Variants in TYW1 observed in about 807,000 individuals in gnomAD.
TYW1 encodes tRNA-yW synthesizing protein 1 homolog.
Under a neutral mutation model 96.2 loss-of-function variants are expected in TYW1, and 46 were observed. That is an observed-to-expected ratio of 0.48 (90% CI 0.38 to 0.61). The LOEUF (loss-of-function observed/expected upper bound fraction) is 0.61, where lower values mean the gene tolerates loss of function less well. TYW1 is among the 20% of genes least tolerant of loss of function. The pLI is 0.00. For missense variants in TYW1, 684 were observed against 909.6 expected (o/e 0.75, Z 3.19); for synonymous variants, 274 against 323.0 (o/e 0.85, Z 1.63).
rs1172437117 is a variant in TYW1, at chr7:67,233,953, G to T, written c.1978-4355G>T. On this transcript the variant is annotated intron_variant, in intron 15 of 15. Transcript: ENST00000359626. ...TCATAGGTTGAGGTCCTAACTCCCA[G>T]CGTGGCTATATTTGGAGATGGGGTT... 4.4e-5 allele frequency among the ~76,000 whole-genome samples: 6 copies of T among 135,384 alleles called. 2 individuals carry two copies. Among genetic ancestry groups the T allele is most frequent in the Non-Finnish European group, 9.5e-5 (6 of 63,002 alleles). The allele number at this position is 135,384 out of a possible 152,430, so 88.8% of individuals were successfully genotyped here. A position where few individuals can be genotyped will look rare whatever the true frequency, so the allele number is the denominator to read the frequency against.
intron 15 of TYW1, among the ~76,000 whole-genome samples, chr7:67,228,069 A>G (rs1801622943): frequency 1.3e-5 from 2 of 152,126 alleles, no homozygotes; most frequent in Non-Finnish European, 2.9e-5. Flanking sequence ...GCAATGTGGG[A>G]GTAGCTCTGT....
At chr7:67,188,961 T>A (rs1163269333) in intron 14 of TYW1, among the ~76,000 whole-genome samples, 1 of 152,256 alleles carries the variant, frequency 6.6e-6, no homozygotes, top group Non-Finnish European at 1.5e-5. Context: ...GTGTGTGCAT[T>A]CAGAGTACTG....
intron 15 of TYW1, among the ~76,000 whole-genome samples, chr7:67,219,384 GA>G (rs1164641125): frequency 6.6e-6 from 1 of 152,084 alleles, no homozygotes; most frequent in Non-Finnish European, 1.5e-5. Flanking sequence ...TTGGTATCAG[GA>G]TAATGCTGAC....
chr7:67,148,793 T>C lies in TYW1; in HGVS notation c.1698+31175T>C, dbSNP rs540484778. On this transcript the variant is annotated intron_variant, in intron 13 of 15. Coordinates refer to ENST00000359626, the MANE Select transcript of TYW1 (RefSeq NM_018264.4). Reference sequence around the variant, plus strand: ...TAATGGATTTTCACCTAGCAGAGAATTGGGGGAGGGGGCACTCCAAGAGCA... The same window carrying C: ...TAATGGATTTTCACCTAGCAGAGAACTGGGGGAGGGGGCACTCCAAGAGCA... Among the ~76,000 whole-genome samples the C allele has an allele frequency of 8.5e-5, 13 of 152,286 alleles. No individual in the cohort carries two copies. The East Asian group carries it at 1.4e-3, about 16-fold the overall frequency.
At chr7:67,134,491 A>G (rs1455099203) in intron 13 of TYW1, among the ~76,000 whole-genome samples, 2 of 151,936 alleles carry the variant, frequency 1.3e-5, no homozygotes, top group Non-Finnish European at 2.9e-5. Flanking sequence ...GCAGTGAGCC[A>G]AGATCACGCT....
At chr7:67,140,014 C>A (rs1798394239) in intron 13 of TYW1, among the ~76,000 whole-genome samples, 1 of 151,752 alleles carries the variant, frequency 6.6e-6, no homozygotes, top group East Asian at 1.9e-4. Context: ...GCTGGAGAAG[C>A]CTCGCAATCA....
At chr7:67,184,389 T>G (rs1271329444) in intron 14 of TYW1, among the ~76,000 whole-genome samples, 1 of 152,036 alleles carries the variant, frequency 6.6e-6, no homozygotes, top group Admixed American at 6.6e-5. Flanking sequence ...TGTGTGGGTT[T>G]GTTTGTATTT....
chr7:67,042,851 G>T (rs1318913573), intron 7 of TYW1, among the ~76,000 whole-genome samples: 2 of 151,946 alleles, frequency 1.3e-5, no homozygotes, highest in African/African-American at 4.8e-5. Context: ...ACAAAAGTTA[G>T]TGGGATGTGG....
Position 67,208,710 on chromosome 7 carries a change from C to A in TYW1, c.1977+13373C>A, listed in dbSNP as rs1056767940. Among the ~76,000 whole-genome samples the A allele has an allele frequency of 2.0e-3, 260 of 131,702 alleles. 1 individual carries two copies. The highest frequency in any genetic ancestry group is 6.9e-3 in the African/African-American group (239 of 34,688). The allele number at this position is 131,702 out of a possible 152,430, so 86.4% of individuals were successfully genotyped here. On this transcript the variant is annotated intron_variant, in intron 15 of 15. Coordinates refer to ENST00000359626, the MANE Select transcript of TYW1 (RefSeq NM_018264.4). ...GTCTCAAAAAAAAAAAAAAAAAAAA[C>A]CACAACATTCTAGAGGGATCCCAGA... is the stretch of plus-strand genomic sequence containing the variant.
At chr7:67,016,036 A>C (rs1045251097) in intron 5 of TYW1, among the ~76,000 whole-genome samples, 1 of 152,074 alleles carries the variant, frequency 6.6e-6, no homozygotes, top group East Asian at 2.0e-4. Context: ...ACATAATAAA[A>C]CATTAAATTT....
intron 7 of TYW1, 96 bp downstream of exon 7, chr7:67,025,118 G>T (rs2129246995): frequency 2.0e-6 from 3 of 1,525,056 alleles, no homozygotes; most frequent in East Asian, 2.3e-5. Context: ...GCTCACAGAG[G>T]AGTTTCATTT....
At chr7:67,202,747 CT>C (rs1467645728) in intron 15 of TYW1, among the ~76,000 whole-genome samples, 1 of 152,128 alleles carries the variant, frequency 6.6e-6, no homozygotes, top group Non-Finnish European at 1.5e-5. Flanking sequence ...GTGCAAACTG[CT>C]GCAGTCATGT....
chr7:67,141,639 C>T (rs572600764), intron 13 of TYW1, among the ~76,000 whole-genome samples: 2 of 152,332 alleles, frequency 1.3e-5, no homozygotes, highest in East Asian at 3.9e-4. Context: ...GGGCACCATA[C>T]TATAATAGCT....
At chr7:67,204,059 G>T (rs1800689700) in intron 15 of TYW1, among the ~76,000 whole-genome samples, 1 of 152,182 alleles carries the variant, frequency 6.6e-6, no homozygotes. Flanking sequence ...GTTTTCAGAA[G>T]TTTGATTACA....
At chr7:67,174,984 A>G (rs3980767) in intron 13 of TYW1, among the ~76,000 whole-genome samples, 40,171 of 149,988 alleles carry the variant, frequency 0.27, 4,915 homozygotes, top group African/African-American at 0.37. Flanking sequence ...TGGACTTATA[A>G]TTGTTAAATA....
At chr7:67,182,716 AC>A (rs1378510323) in intron 13 of TYW1, among the ~76,000 whole-genome samples, 1 of 151,506 alleles carries the variant, frequency 6.6e-6, no homozygotes, top group Non-Finnish European at 1.5e-5. Flanking sequence ...GACAGGACTT[AC>A]TAACAATTCT....
rs1793180924 is a variant in TYW1 at position 66,996,866 on chromosome 7, G to C, written c.-113G>C. ...GTCATGGCTGCCCACAGGTCTGCAG[G>C]CACTCGGTACGCCGCTAACGCGGCG... On this transcript the variant is annotated 5_prime_UTR_variant, in exon 1 of 16. Coordinates refer to ENST00000359626, the MANE Select transcript of TYW1 (RefSeq NM_018264.4). The C allele has an allele frequency of 6.4e-7, 1 of 1,574,712 alleles. No homozygotes were observed. The highest frequency in any genetic ancestry group is 8.6e-7 in the Non-Finnish European group (1 of 1,157,802).
chr7:67,238,535 T>G lies in TYW1; in HGVS notation c.*6T>G. 6.2e-7 allele frequency: 1 copy of G among 1,607,748 alleles called. No homozygotes were observed. Among genetic ancestry groups the G allele is most frequent in the Non-Finnish European group, 8.5e-7 (1 of 1,177,314 alleles). On this transcript the variant is annotated 3_prime_UTR_variant, in exon 16 of 16. Coordinates refer to ENST00000359626, the MANE Select transcript of TYW1 (RefSeq NM_018264.4). The stretch of plus-strand genomic sequence containing the variant: ...AGGCTATTTCTGGATGTTGAGATTA[T>G]CTGATTTCAAGGTACTGAAGGACAA...
At chr7:67,187,695 T>C (rs1231910358) in intron 14 of TYW1, among the ~76,000 whole-genome samples, 1 of 152,262 alleles carries the variant, frequency 6.6e-6, no homozygotes, top group African/African-American at 2.4e-5. Context: ...TAATTTGCAT[T>C]TTAAATCCTT....
Sources: allele counts gnomAD v4.1 joint callset (sites outside exome capture counted in the v4.1 genomes callset), GRCh38; gene constraint gnomAD v4.1.1; transcripts MANE v1.5; gene names NCBI Gene and HGNC (gene_info 2026-07-23, HGNC 2026-07-21).